Variants in ST3GAL1 observed in about 807,000 individuals in gnomAD.
The protein encoded by ST3GAL1 is ST3 beta-galactoside alpha-2,3-sialyltransferase 1, also known as CMP-N-acetylneuraminate-beta-galactosamide-alpha-2,3-sialyltransferase 1.
In ST3GAL1, 16 loss-of-function variants were observed where a neutral mutation model predicts 34.1. The ratio of observed to expected loss-of-function variants is 0.47; its 90% CI spans 0.32 to 0.71. The LOEUF (loss-of-function observed/expected upper bound fraction) is 0.71, where lower values mean the gene tolerates loss of function less well. ST3GAL1 is among the 30% of genes least tolerant of loss of function. The pLI is 0.04. For synonymous variants in ST3GAL1, 191 were observed against 184.7 expected (o/e 1.03, Z -0.28); for missense variants, 353 against 447.4 (o/e 0.79, Z 1.90).
intron 3 of ST3GAL1, among the ~76,000 whole-genome samples, chr8:133,482,467 GGAGGAA>G (rs895319193): frequency 6.6e-6 from 1 of 152,236 alleles, no homozygotes; most frequent in African/African-American, 2.4e-5. Context: ...ACAGATGGTG[GGAGGAA>G]GAGGCAGATC....
chr8:133,520,188 A>G (rs1265730666), intron 2 of ST3GAL1, among the ~76,000 whole-genome samples: 1 of 152,206 alleles, frequency 6.6e-6, no homozygotes, highest in East Asian at 1.9e-4. Context: ...GGGGAGGCAG[A>G]GACTATGCAA....
At chr8:133,546,478 CAAAAA>C (rs10553471) in intron 1 of ST3GAL1, among the ~76,000 whole-genome samples, 7 of 114,788 alleles carry the variant, frequency 6.1e-5, no homozygotes, top group Admixed American at 1.8e-4. Context: ...GAGACTCCGT[CAAAAA>C]AAAAAAAAAA....
At chr8:133,527,523 C>T (rs1818013685) in intron 2 of ST3GAL1, among the ~76,000 whole-genome samples, 1 of 152,166 alleles carries the variant, frequency 6.6e-6, no homozygotes, top group African/African-American at 2.4e-5. Flanking sequence ...CCCTAAGCTA[C>T]AGTGTGACGT....
intron 1 of ST3GAL1, among the ~76,000 whole-genome samples, chr8:133,561,295 A>G (rs1819214917): frequency 6.6e-6 from 1 of 152,012 alleles, no homozygotes; most frequent in African/African-American, 2.4e-5. Flanking sequence ...TACATGCACA[A>G]TAACTAAACA....
At chr8:133,529,950 T>C (rs908098146) in intron 2 of ST3GAL1, among the ~76,000 whole-genome samples, 1 of 151,328 alleles carries the variant, frequency 6.6e-6, no homozygotes, top group African/African-American at 2.4e-5. Context: ...TTCTAGCACC[T>C]GTTCTCCTAC....
intron 2 of ST3GAL1, among the ~76,000 whole-genome samples, chr8:133,520,278 G>T (rs1817764083): frequency 6.6e-6 from 1 of 152,194 alleles, no homozygotes; most frequent in African/African-American, 2.4e-5. Flanking sequence ...GCGGGGTGTG[G>T]TGTGCACAAC....
chr8:133,476,069 TC>T lies in ST3GAL1; in HGVS notation c.-46del. 6.6e-7 allele frequency: 1 copy of T among 1,520,208 alleles called. No individual in the cohort carries two copies. Among genetic ancestry groups the T allele is most frequent in the Non-Finnish European group, 8.8e-7 (1 of 1,133,002 alleles). 94.2% of individuals were successfully genotyped at this position (1,520,208 alleles called of 1,614,324 possible). A position where few individuals can be genotyped will look rare whatever the true frequency, so the allele number is the denominator to read the frequency against. Reference sequence around the variant, plus strand: ...GCCTCCCACGATGGGTAGCAGGAACTCCCTCCTAAGAGAGGAGAAAAATGGA... The same window carrying T: ...GCCTCCCACGATGGGTAGCAGGAACTCCTCCTAAGAGAGGAGAAAAATGGA... On this transcript the variant is annotated 5_prime_UTR_variant, in exon 5 of 10. Transcript: ENST00000522652.
At chr8:133,501,174 G>T (rs1404196660) in intron 2 of ST3GAL1, among the ~76,000 whole-genome samples, 4 of 152,200 alleles carry the variant, frequency 2.6e-5, no homozygotes, top group African/African-American at 7.2e-5. Flanking sequence ...TCAACACAGG[G>T]TTTTTCAGTG....
rs778471211 is a variant in ST3GAL1 at position 133,487,926 on chromosome 8, C to T, written c.-374+11209G>A. On this transcript the variant is annotated intron_variant, in intron 3 of 9. Transcript: ENST00000522652. ...GAGGTTGCAGTGAGCCGAGATTGCA[C>T]CACTGCATTCTAGCCTGGGCAACAG... 8.6e-5 allele frequency among the ~76,000 whole-genome samples: 13 copies of T among 151,024 alleles called. No individual in the cohort carries two copies. In the South Asian group the frequency reaches 1.7e-3, roughly 20 times the overall value.
At chr8:133,536,847 T>A (rs1382510939) in intron 2 of ST3GAL1, among the ~76,000 whole-genome samples, 2 of 152,106 alleles carry the variant, frequency 1.3e-5, no homozygotes, top group South Asian at 4.1e-4. Flanking sequence ...TCTCAGAAAG[T>A]GTTATTCCCA....
chr8:133,541,714 AG>A (rs1818539720), intron 2 of ST3GAL1, among the ~76,000 whole-genome samples: 1 of 152,234 alleles, frequency 6.6e-6, no homozygotes, highest in Non-Finnish European at 1.5e-5. Context: ...AGGGACAAAC[AG>A]GTGCTTGCTA....
intron 2 of ST3GAL1, among the ~76,000 whole-genome samples, chr8:133,543,221 G>C (rs1818584303): frequency 6.6e-6 from 1 of 152,222 alleles, no homozygotes; most frequent in South Asian, 2.1e-4. Flanking sequence ...CCAAAATTGA[G>C]TGCATTCTAT....
chr8:133,521,688 A>G lies in ST3GAL1; in HGVS notation c.-428-22499T>C, dbSNP rs114559307. On this transcript the variant is annotated intron_variant, in intron 2 of 9. Transcript: ENST00000522652. Reference sequence around the variant, plus strand: ...ATTAATTAAACCATGATATGTTAAAATATCTGTTACAGGACAGAAGTTTTC... The same window carrying G: ...ATTAATTAAACCATGATATGTTAAAGTATCTGTTACAGGACAGAAGTTTTC... 1.5e-3 allele frequency among the ~76,000 whole-genome samples: 234 copies of G among 152,354 alleles called. 1 individual carries two copies. Among genetic ancestry groups the G allele is most frequent in the African/African-American group, 5.4e-3 (223 of 41,570 alleles).
intron 1 of ST3GAL1, among the ~76,000 whole-genome samples, chr8:133,562,572 C>T (rs574798805): frequency 3.9e-5 from 6 of 152,194 alleles, no homozygotes; most frequent in African/African-American, 9.6e-5. Flanking sequence ...AGGGCCAACT[C>T]GGGTCAGGGC....
intron 1 of ST3GAL1, among the ~76,000 whole-genome samples, chr8:133,565,284 G>C (rs549189086): frequency 1.1e-4 from 17 of 152,096 alleles, no homozygotes; most frequent in Non-Finnish European, 2.5e-4. Flanking sequence ...TGCTGGGTGG[G>C]CTCAGCTCTT....
chr8:133,562,827 TTCCTTCCTTCCTTC>T (rs1819276747), intron 1 of ST3GAL1, among the ~76,000 whole-genome samples: 3 of 115,690 alleles, frequency 2.6e-5, no homozygotes, highest in African/African-American at 1.2e-4. Context: ...CCTTCCTTCC[TTCCTTCCTTCCTTC>T]CTTTCTTTCT....
intron 1 of ST3GAL1, among the ~76,000 whole-genome samples, chr8:133,548,351 A>G (rs1292744545): frequency 1.3e-5 from 2 of 152,028 alleles, no homozygotes; most frequent in African/African-American, 2.4e-5. Flanking sequence ...CACCCTTCAC[A>G]TTTCAGTGTA....
chr8:133,556,589 T>C lies in ST3GAL1; in HGVS notation c.-581-10663A>G, dbSNP rs908445315. 6.6e-6 allele frequency among the ~76,000 whole-genome samples: 1 copy of C among 152,144 alleles called. No individual in the cohort carries two copies. Among genetic ancestry groups the C allele is most frequent in the African/African-American group, 2.4e-5 (1 of 41,432 alleles). ...AGCTAATGAAGGCTGCATAACTATGTACTTTCGAACAAGATTTTTAGGATG... is the reference window on the plus strand; with the variant it reads ...AGCTAATGAAGGCTGCATAACTATGCACTTTCGAACAAGATTTTTAGGATG... On this transcript the variant is annotated intron_variant, in intron 1 of 9. Coordinates refer to ENST00000522652, the MANE Select transcript of ST3GAL1 (RefSeq NM_173344.3). The surrounding 1 kb of genome is among the most constrained non-coding windows in gnomAD (Gnocchi z 8.9).
chr8:133,508,357 C>T lies in ST3GAL1; in HGVS notation c.-428-9168G>A, dbSNP rs959017443. ...AATTTTCAGGTTTGTGGGACAGCCTCATGGTACAGTTTGTGCTCTGGGGTT... is the reference window on the plus strand; with the variant it reads ...AATTTTCAGGTTTGTGGGACAGCCTTATGGTACAGTTTGTGCTCTGGGGTT... On this transcript the variant is annotated intron_variant, in intron 2 of 9. Transcript: ENST00000522652. This position sits in a 1 kb window ranked among gnomAD's most constrained non-coding sequence, Gnocchi z 4.1. Among the ~76,000 whole-genome samples the T allele has an allele frequency of 6.6e-6, 1 of 152,214 alleles. No individual in the cohort carries two copies. The highest frequency in any genetic ancestry group is 1.5e-5 in the Non-Finnish European group (1 of 68,044).
Sources: gnomAD v4.1 joint callset for allele counts (sites outside exome capture counted in the v4.1 genomes callset) on GRCh38, gnomAD v4.1.1 for gene constraint, Gnocchi (gnomAD v3.1) non-coding constraint, MANE v1.5 for transcripts, NCBI Gene and HGNC (gene_info 2026-07-23, HGNC 2026-07-21) for gene names.